PDE1A: variants seen among roughly 807,000 people sequenced by gnomAD.
PDE1A encodes the protein dual specificity calcium/calmodulin-dependent 3',5'-cyclic nucleotide phosphodiesterase 1A.
A neutral mutation model predicts 61.7 loss-of-function variants in PDE1A; 35 were observed. The observed-to-expected ratio is 0.57, with a 90% CI of 0.43 to 0.75. PDE1A has a LOEUF of 0.75. Among genes scored for constraint, PDE1A ranks in the 30% least tolerant of loss-of-function variants. PDE1A has a pLI of 0.00. For synonymous variants in PDE1A, 232 were observed against 213.2 expected (o/e 1.09, Z -0.77); for missense variants, 597 against 630.6 (o/e 0.95, Z 0.57).
chr2:182,169,938 A>ACACACACACTCACC (rs1393866906), intron 13 of PDE1A, among the ~76,000 whole-genome samples: 1 of 92,686 alleles, frequency 1.1e-5, no homozygotes, highest in African/African-American at 4.0e-5. Flanking sequence ...ACACACACAC[A>ACACACACACTCACC]CTCTCCCTCT....
chr2:182,569,903 C>T, the PDE1A span, among the ~76,000 whole-genome samples: 1 of 152,182 alleles, frequency 6.6e-6, no homozygotes, highest in Non-Finnish European at 1.5e-5. Context: ...GTTTCTAGTT[C>T]TTCTTAAGTG....
chr2:182,535,339 G>C, the PDE1A span, among the ~76,000 whole-genome samples: 4 of 68,402 alleles, frequency 5.8e-5, no homozygotes, highest in African/African-American at 1.2e-4. Context: ...ACAGAGTCAG[G>C]ATTTAAAACT....
chr2:182,313,211 C>T (rs991051766), intron 1 of PDE1A, among the ~76,000 whole-genome samples: 12 of 152,064 alleles, frequency 7.9e-5, no homozygotes, highest in African/African-American at 2.9e-4. Flanking sequence ...ATCAGAAGTT[C>T]GACAGCAGCC....
At chr2:182,188,997 C>T (rs1193699541) in exon 11 of PDE1A, 1 of 1,612,032 alleles carries the variant, frequency 6.2e-7, no homozygotes, top group Non-Finnish European at 8.5e-7. Context: ...GACTGGGCCA[C>T]CATGGTTGAC....
chr2:182,314,742 G>A (rs1021979351), intron 1 of PDE1A, among the ~76,000 whole-genome samples: 1 of 152,126 alleles, frequency 6.6e-6, no homozygotes, highest in African/African-American at 2.4e-5. Context: ...TTGGGGTAAT[G>A]TCTATTTTTG....
At chr2:182,535,222 T>A in the PDE1A span, among the ~76,000 whole-genome samples, 1 of 152,066 alleles carries the variant, frequency 6.6e-6, no homozygotes, top group African/African-American at 2.4e-5. Flanking sequence ...TATTTTGAAG[T>A]GCTTTTTCCA....
the PDE1A span, among the ~76,000 whole-genome samples, chr2:182,551,276 A>T: frequency 4.6e-5 from 7 of 152,144 alleles, no homozygotes; most frequent in African/African-American, 1.7e-4. Flanking sequence ...ACTGTTGAAG[A>T]GTCAATCAAA....
upstream of PDE1A, among the ~76,000 whole-genome samples, chr2:182,523,959 A>G (rs532023647): frequency 2.5e-4 from 38 of 152,298 alleles, no homozygotes; most frequent in African/African-American, 8.7e-4. Flanking sequence ...TTTGCAAATT[A>G]TAAGAGGGTA....
At chr2:182,706,331 T>G in the PDE1A span, among the ~76,000 whole-genome samples, 7 of 152,204 alleles carry the variant, frequency 4.6e-5, no homozygotes, top group African/African-American at 1.7e-4. Flanking sequence ...TTTGAAATTT[T>G]TATTTCATCT....
chr2:182,606,163 T>G, the PDE1A span, among the ~76,000 whole-genome samples: 2 of 152,134 alleles, frequency 1.3e-5, no homozygotes, highest in Non-Finnish European at 2.9e-5. Context: ...TGTATGTACG[T>G]ATGTAGTTAT....
At chr2:182,688,366 C>T in the PDE1A span, among the ~76,000 whole-genome samples, 2 of 152,094 alleles carry the variant, frequency 1.3e-5, no homozygotes, top group Non-Finnish European at 2.9e-5. Context: ...AGAGTGGGGG[C>T]CAATATACAA....
chr2:182,201,370 G>GA lies in PDE1A; in HGVS notation c.1125+68dup, dbSNP rs1200283888. ...AGTCACAAGCCCTGGATTCCATACA[G>GA]AAAAGGTGTACGCTAATATGCACAG... On this transcript the variant is annotated intron_variant, in intron 10 of 13. Transcript: ENST00000351439. 1.1e-4 allele frequency: 170 copies of GA among 1,559,216 alleles called. 2 individuals are homozygous for GA. The highest frequency in any genetic ancestry group is 7.2e-4 in the South Asian group (60 of 83,902).
intron 2 of PDE1A, among the ~76,000 whole-genome samples, chr2:182,262,218 CTTTT>C (rs1692272799): frequency 1.2e-5 from 1 of 81,058 alleles, no homozygotes; most frequent in African/African-American, 6.9e-5. Context: ...TTCTTTCTTT[CTTTT>C]TCTTTCTCTC....
At chr2:182,184,379 T>G (rs1264429847) in intron 13 of PDE1A, among the ~76,000 whole-genome samples, 1 of 152,060 alleles carries the variant, frequency 6.6e-6, no homozygotes, top group East Asian at 1.9e-4. Context: ...ATACAATTTA[T>G]TTTTGGCCAA....
chr2:182,522,731 C>T, exon 1 of PDE1A: 2 of 933,754 alleles, frequency 2.1e-6, no homozygotes, highest in Non-Finnish European at 2.6e-6. Context: ...TGAAGCACAT[C>T]AGAATTCCTA....
chr2:182,614,852 C>A, the PDE1A span, among the ~76,000 whole-genome samples: 3 of 152,202 alleles, frequency 2.0e-5, no homozygotes, highest in Non-Finnish European at 2.9e-5. Context: ...CCATTGTGCC[C>A]AGCCTATCTA....
At chr2:182,378,992 A>T (rs1349417498) in intron 1 of PDE1A, among the ~76,000 whole-genome samples, 1 of 152,240 alleles carries the variant, frequency 6.6e-6, no homozygotes, top group Non-Finnish European at 1.5e-5. Flanking sequence ...CAAGGGCAAC[A>T]TGAAACAAGT....
chr2:182,589,209 G>A, the PDE1A span, among the ~76,000 whole-genome samples: 9 of 141,660 alleles, frequency 6.4e-5, no homozygotes, highest in African/African-American at 2.3e-4. Context: ...AGGAAAGAGG[G>A]AAAGAAAGAG....
At chr2:182,271,449 C>T (rs1693018967) in intron 1 of PDE1A, among the ~76,000 whole-genome samples, 1 of 151,978 alleles carries the variant, frequency 6.6e-6, no homozygotes, top group South Asian at 2.1e-4. Context: ...CTCTCTTCCC[C>T]AAAAGTCACA....
Sources: gnomAD v4.1 joint callset for allele counts (sites outside exome capture counted in the v4.1 genomes callset) on GRCh38, gnomAD v4.1.1 for gene constraint, MANE v1.5 for transcripts, NCBI Gene and HGNC (gene_info 2026-07-23, HGNC 2026-07-21) for gene names.